The following SPAST variants were observed in gnomAD, a reference collection of about 807,000 sequenced individuals.
SPAST encodes spastic paraplegia 4 (autosomal dominant; spastin).
In SPAST, 30 loss-of-function variants were observed where a neutral mutation model predicts 76.6. The observed-to-expected ratio is 0.39, with a 90% CI of 0.29 to 0.53. The LOEUF (loss-of-function observed/expected upper bound fraction) is 0.53. Ranked by LOEUF, SPAST falls within the 20% of genes least tolerant of loss-of-function variation. The pLI is 0.68. For missense variants in SPAST, 717 were observed against 770.5 expected, an observed-to-expected ratio of 0.93 and a Z score of 0.82; for synonymous variants, 305 against 281.0, an observed-to-expected ratio of 1.09 and a Z score of -0.86.
intron 1 of SPAST, among the ~76,000 whole-genome samples, chr2:32,086,748 ACT>A (rs1331874409): frequency 6.6e-6 from 1 of 151,634 alleles, no homozygotes; most frequent in African/African-American, 2.4e-5. Flanking sequence ...ACAGAGCAAG[ACT>A]CTGTCTCAAA....
chr2:32,075,382 C>T (rs1184443525), intron 1 of SPAST, among the ~76,000 whole-genome samples: 2 of 142,704 alleles, frequency 1.4e-5, no homozygotes, highest in Non-Finnish European at 3.0e-5. Flanking sequence ...GCCGAGATCG[C>T]GCCACTGCAC....
intron 1 of SPAST, among the ~76,000 whole-genome samples, chr2:32,079,410 C>G (rs776771396): frequency 4.0e-5 from 6 of 151,454 alleles, no homozygotes; most frequent in Non-Finnish European, 7.4e-5. Flanking sequence ...ATTCAAGAGG[C>G]TGAGGTGGGA....
rs539082797 is a variant in SPAST, at chr2:32,092,729, T to A, written c.586+3124T>A. Among the ~76,000 whole-genome samples, 65 of 152,242 alleles carry A rather than the reference T, an allele frequency of 4.3e-4. No individual in the cohort carries two copies. In the Middle Eastern group the frequency reaches 0.014, roughly 32 times the overall value. The stretch of plus-strand genomic sequence containing the variant: ...GGTAGATGGGAAAGGTGACATCGGC[T>A]GGGCGCGGTGGCTCACACCTATAAT... On this transcript the variant is annotated intron_variant, in intron 3 of 16. Transcript: ENST00000315285.
intron 4 of SPAST, among the ~76,000 whole-genome samples, chr2:32,104,973 T>C (rs1678263665): frequency 6.6e-6 from 1 of 152,212 alleles, no homozygotes. Flanking sequence ...GCATTCTCTG[T>C]ATTTCCTGAA....
chr2:32,068,674 C>A (rs925160177), intron 1 of SPAST, among the ~76,000 whole-genome samples: 8 of 152,022 alleles, frequency 5.3e-5, no homozygotes, highest in African/African-American at 1.7e-4. Context: ...CCGTAATATG[C>A]CAAATTAAAT....
intron 1 of SPAST, among the ~76,000 whole-genome samples, chr2:32,078,894 C>G (rs1677083947): frequency 6.6e-6 from 1 of 151,990 alleles, no homozygotes; most frequent in East Asian, 1.9e-4. Context: ...TTTTGTCACC[C>G]AGGTTGGAGT....
At chr2:32,153,815 G>A (rs984232237) in intron 16 of SPAST, among the ~76,000 whole-genome samples, 1 of 151,978 alleles carries the variant, frequency 6.6e-6, no homozygotes, top group Non-Finnish European at 1.5e-5. Context: ...AGTGGCTCAC[G>A]TCTGTAATCC....
chr2:32,115,917 A>G, intron 6 of SPAST, 82 bp downstream of exon 6: 1 of 1,141,086 alleles, frequency 8.8e-7, no homozygotes, highest in Non-Finnish European at 1.3e-6. Flanking sequence ...AGTGAAATAG[A>G]TAATAAATAC....
chr2:32,116,155 A>G lies in SPAST; in HGVS notation c.1041A>G (p.Gln347=). 1 of 1,613,674 alleles carries G rather than the reference A, an allele frequency of 6.2e-7. No homozygotes were observed. Among genetic ancestry groups the G allele is most frequent in the Non-Finnish European group, 8.5e-7 (1 of 1,179,712 alleles). ...TAVKFDDIAG[Q]DLAKQALQEI... is the part of the protein sequence containing the mutation. ...TTAAATTTGATGATATAGCTGGTCA[A>G]GACTTGGCAAAACAAGCATTGCAAG... The change falls in exon 7 of 17, where the codon CAA becomes CAG. Residue 347 remains glutamine (Q), a synonymous_variant. Coordinates refer to ENST00000315285, the MANE Select transcript of SPAST (RefSeq NM_014946.4).
chr2:32,065,326 A>T (rs1676466249), intron 1 of SPAST, among the ~76,000 whole-genome samples: 1 of 152,044 alleles, frequency 6.6e-6, no homozygotes, highest in African/African-American at 2.4e-5. Context: ...CCTTAAGCTA[A>T]CATTTTTTAT....
intron 1 of SPAST, among the ~76,000 whole-genome samples, chr2:32,087,181 T>C (rs929279442): frequency 1.3e-5 from 2 of 152,200 alleles, no homozygotes; most frequent in African/African-American, 4.8e-5. Context: ...TTCAAAAGTA[T>C]ATATACTTAA....
At chr2:32,094,449 A>G (rs1677843479) in intron 3 of SPAST, among the ~76,000 whole-genome samples, 1 of 152,178 alleles carries the variant, frequency 6.6e-6, no homozygotes. Flanking sequence ...TACCTGGGAC[A>G]ATAATGGTCC....
At position 32,072,430 on chromosome 2, in the gene SPAST, A is replaced by G. The variant is rs553629075; in HGVS notation, c.415+8184A>G. On this transcript the variant is annotated intron_variant, in intron 1 of 16. Transcript: ENST00000315285. ...TGGGAATTTGGCGTCTTATTGCTAC[A>G]AAACATCTTAATATCTCTGTTTTAA... is the stretch of plus-strand genomic sequence containing the variant. Among the ~76,000 whole-genome samples the G allele has an allele frequency of 5.3e-5, 8 of 152,298 alleles. No individual in the cohort carries two copies. The South Asian group carries it at 1.2e-3, about 24-fold the overall frequency.
At chr2:32,145,691 T>C (rs558768005) in intron 15 of SPAST, among the ~76,000 whole-genome samples, 1 of 152,360 alleles carries the variant, frequency 6.6e-6, no homozygotes, top group East Asian at 1.9e-4. Flanking sequence ...TATTTATTGC[T>C]ATGTTTTTAT....
chr2:32,082,731 A>G (rs1337002703), intron 1 of SPAST, among the ~76,000 whole-genome samples: 1 of 151,968 alleles, frequency 6.6e-6, no homozygotes. Flanking sequence ...CTATGGTTTT[A>G]TCTTCACTGC....
intron 1 of SPAST, 62 bp from the exon 2 acceptor site, chr2:32,087,430 A>G (rs1259002142): frequency 2.0e-6 from 2 of 998,540 alleles, no homozygotes; most frequent in African/African-American, 1.6e-5. Context: ...TCTCAACAGC[A>G]TGATTTGCAA....
rs559271144 is a variant in SPAST at position 32,144,619 on chromosome 2, C to T, written c.1617-318C>T. ...TTGCTGTTTCAGCTGGGTGCGGTGG[C>T]TCATGCCTGTAATCTCACTACTTTG... On this transcript the variant is annotated intron_variant, in intron 14 of 16. Transcript: ENST00000315285. Among the ~76,000 whole-genome samples the T allele has an allele frequency of 1.9e-3, 287 of 152,296 alleles. 1 individual carries two copies. Among genetic ancestry groups the T allele is most frequent in the Non-Finnish European group, 3.3e-3 (224 of 68,018 alleles).
At chr2:32,151,298 T>C (rs72796867) in intron 16 of SPAST, among the ~76,000 whole-genome samples, 1,751 of 152,304 alleles carry the variant, frequency 0.011, 21 homozygotes, top group Non-Finnish European at 0.02. Context: ...TTGGTATTAA[T>C]AATTTGATAA....
chr2:32,147,341 TGTG>T (rs1301269687), intron 16 of SPAST, 83 bp downstream of exon 16: 2 of 600,516 alleles, frequency 3.3e-6, no homozygotes. Context: ...TGTGTGTGTG[TGTG>T]GTTTTTTTTT....
Sources: allele counts gnomAD v4.1 joint callset (sites outside exome capture counted in the v4.1 genomes callset), GRCh38; gene constraint gnomAD v4.1.1; transcripts MANE v1.5; gene names NCBI Gene and HGNC (gene_info 2026-07-23, HGNC 2026-07-21).